Variants in GPRC5C observed in about 807,000 individuals in gnomAD.
GPRC5C encodes G protein-coupled receptor family C group 5 member C.
Under a neutral mutation model 31.4 loss-of-function variants are expected in GPRC5C, and 22 were observed. The ratio of observed to expected loss-of-function variants is 0.70; its 90% CI spans 0.50 to 1.00. The LOEUF (loss-of-function observed/expected upper bound fraction) is 1.00, where lower values mean the gene tolerates loss of function less well. Ranked by LOEUF, GPRC5C falls within the 50% of genes least tolerant of loss-of-function variation. The probability of loss-of-function intolerance (pLI) is 0.00; values close to 1 mark genes in which losing one functional copy is unlikely to be tolerated. For synonymous variants in GPRC5C, 249 were observed against 257.5 expected, an observed-to-expected ratio of 0.97 and a Z score of 0.32; for missense variants, 557 against 597.2, an observed-to-expected ratio of 0.93 and a Z score of 0.70.
intron 2 of GPRC5C, among the ~76,000 whole-genome samples, chr17:74,441,064 G>C (rs554578494): frequency 1.3e-5 from 2 of 151,610 alleles, no homozygotes; most frequent in African/African-American, 4.8e-5. Flanking sequence ...CACTTGAGAC[G>C]AGGAGTTCGA....
intron 1 of GPRC5C, among the ~76,000 whole-genome samples, chr17:74,434,280 C>T (rs941308527): frequency 5.3e-5 from 8 of 152,172 alleles, no homozygotes; most frequent in Non-Finnish European, 1.2e-4. Context: ...CCTCCTTGAA[C>T]CCTCTGAGAA....
chr17:74,435,184 G>A (rs1489194741), intron 1 of GPRC5C, among the ~76,000 whole-genome samples: 31 of 152,012 alleles, frequency 2.0e-4, no homozygotes, highest in Admixed American at 1.9e-3. Context: ...ACGCCACTGC[G>A]CTCCAGCCTG....
At position 74,447,118 on chromosome 17, in the gene GPRC5C, CT is replaced by C; in HGVS notation, c.*91del. 4.0e-6 allele frequency: 6 copies of C among 1,509,878 alleles called. No homozygotes were observed. The highest frequency in any genetic ancestry group is 4.4e-6 in the Non-Finnish European group (5 of 1,128,306). The allele number at this position is 1,509,878 out of a possible 1,614,324, so 93.5% of individuals were successfully genotyped here. ...GGGACTCTCCAGGCTCCTCCTCCCC[CT>C]GGCAGGCCCAGCAACATGTGCCCCA... On this transcript the variant is annotated 3_prime_UTR_variant, in exon 4 of 4. Transcript: ENST00000392627.
rs774949395 is a variant in GPRC5C, at chr17:74,440,836, CTG to C, written c.1051+12_1051+13del. 1 of 1,473,586 alleles carries C rather than the reference CTG, an allele frequency of 6.8e-7. No individual in the cohort carries two copies. Among genetic ancestry groups the C allele is most frequent in the Non-Finnish European group, 9.0e-7 (1 of 1,106,850 alleles). The allele number at this position is 1,473,586 out of a possible 1,614,324, so 91.3% of individuals were successfully genotyped here. ...GGATGAGCCGGTTGCAGGTGGGTCT[CTG>C]TGGATGCCCCCAGTGGCCCCTTTCT... On this transcript the variant is annotated intron_variant, in intron 2 of 3. Transcript: ENST00000392627. The surrounding 1 kb of genome is among the most constrained non-coding windows in gnomAD (Gnocchi z 4.4).
chr17:74,447,337 G>T lies in GPRC5C; in HGVS notation c.*309G>T, dbSNP rs765223061. On this transcript the variant is annotated 3_prime_UTR_variant, in exon 4 of 4. Transcript: ENST00000392627. ...CGCCTATGTTTCTCTGGAGATTCCTGCAACCTCAAGAGACTTCCCAGGCGC... is the reference window on the plus strand; with the variant it reads ...CGCCTATGTTTCTCTGGAGATTCCTTCAACCTCAAGAGACTTCCCAGGCGC... The T allele has an allele frequency of 8.2e-5, 91 of 1,110,462 alleles. No homozygotes were observed. The highest frequency in any genetic ancestry group is 8.8e-5 in the Non-Finnish European group (80 of 908,494). The allele number at this position is 1,110,462 out of a possible 1,614,324, so 68.8% of individuals were successfully genotyped here.
At chr17:74,437,870 A>G in intron 1 of GPRC5C, among the ~76,000 whole-genome samples, 1 of 152,264 alleles carries the variant, frequency 6.6e-6, no homozygotes, top group South Asian at 2.1e-4. Context: ...CTGTCAGACC[A>G]GGAAAGCTTG....
At chr17:74,448,974 C>A, downstream of GPRC5C, 2 of 1,072,710 alleles carry the variant, frequency 1.9e-6, no homozygotes, top group Non-Finnish European at 2.5e-6. Context: ...AGGGTCCTGA[C>A]CTTTGGACGC....
intron 1 of GPRC5C, among the ~76,000 whole-genome samples, chr17:74,435,042 A>G (rs2055413180): frequency 1.3e-5 from 2 of 151,140 alleles, no homozygotes; most frequent in South Asian, 4.2e-4. Flanking sequence ...ACACGGTGAA[A>G]CCCCGTCTCT....
intron 3 of GPRC5C, among the ~76,000 whole-genome samples, chr17:74,444,425 C>A (rs1166698073): frequency 6.6e-6 from 1 of 152,180 alleles, no homozygotes; most frequent in Non-Finnish European, 1.5e-5. Context: ...GTTCTGGAAA[C>A]TAGAAGCATC....
chr17:74,433,824 C>A (rs1393643963), intron 1 of GPRC5C: 3 of 1,165,938 alleles, frequency 2.6e-6, no homozygotes, highest in Non-Finnish European at 3.9e-6. Flanking sequence ...TATCCTTGGC[C>A]CTGGTGGGTG....
At chr17:74,439,658 C>T (rs531776157) in intron 1 of GPRC5C, 87 bp from the exon 2 acceptor site, 16 of 1,282,260 alleles carry the variant, frequency 1.2e-5, no homozygotes, top group African/African-American at 5.9e-5. Context: ...CACTATCTGC[C>T]TGGGTTTAGG....
downstream of GPRC5C, among the ~76,000 whole-genome samples, chr17:74,448,044 C>T (rs2055668838): frequency 6.6e-6 from 1 of 152,214 alleles, no homozygotes; most frequent in Non-Finnish European, 1.5e-5. Flanking sequence ...TGCGATGGCT[C>T]ATGCCTGTAA....
downstream of GPRC5C, chr17:74,451,519 C>G (rs2055713191): frequency 6.6e-6 from 1 of 152,164 alleles, no homozygotes. Flanking sequence ...GAGGCAGAGC[C>G]TGTCACAGGT....
intron 1 of GPRC5C, among the ~76,000 whole-genome samples, chr17:74,435,869 G>A (rs931698205): frequency 1.3e-5 from 2 of 152,194 alleles, no homozygotes; most frequent in African/African-American, 4.8e-5. Flanking sequence ...CTTGTAGTAT[G>A]GGCTTTAGTA....
At chr17:74,432,217 C>G (rs749066247) in intron 1 of GPRC5C, 76 bp downstream of exon 1, 2 of 1,553,980 alleles carry the variant, frequency 1.3e-6, no homozygotes, top group South Asian at 2.4e-5. Flanking sequence ...GCGCGGCGGG[C>G]GCCCGATTAG....
downstream of GPRC5C, among the ~76,000 whole-genome samples, chr17:74,447,583 A>T (rs561119457): frequency 1.3e-5 from 2 of 152,296 alleles, no homozygotes; most frequent in East Asian, 1.9e-4. Context: ...TAAGTAGCTG[A>T]TGCCTCTCCC....
intron 3 of GPRC5C, 71 bp from the exon 4 acceptor site, chr17:74,446,778 G>A: frequency 8.2e-7 from 1 of 1,220,100 alleles, no homozygotes; most frequent in Non-Finnish European, 1.2e-6. Context: ...TGCAGGAAGT[G>A]TTTGTGCATC....
chr17:74,449,504 G>A (rs540661581), downstream of GPRC5C: 90 of 445,732 alleles, frequency 2.0e-4, 1 homozygote, highest in South Asian at 1.2e-3. Context: ...GCAGTGGACC[G>A]AGTGGGCCCC....
chr17:74,436,014 A>T (rs2055426933), intron 1 of GPRC5C, among the ~76,000 whole-genome samples: 1 of 152,088 alleles, frequency 6.6e-6, no homozygotes, highest in Non-Finnish European at 1.5e-5. Context: ...CAACAAATCG[A>T]TTGCCTGTGC....
Sources: gnomAD v4.1 joint callset for allele counts (sites outside exome capture counted in the v4.1 genomes callset) on GRCh38, gnomAD v4.1.1 for gene constraint, Gnocchi (gnomAD v3.1) non-coding constraint, MANE v1.5 for transcripts, NCBI Gene and HGNC (gene_info 2026-07-23, HGNC 2026-07-21) for gene names.